The following NPAS1 variants were observed in gnomAD, a reference collection of about 807,000 sequenced individuals.
NPAS1 encodes the protein neuronal PAS domain-containing protein 1.
In NPAS1, 29 loss-of-function variants were observed where a neutral mutation model predicts 49.2. That is an observed-to-expected ratio of 0.59 (90% CI 0.44 to 0.80). The LOEUF (loss-of-function observed/expected upper bound fraction) is 0.80. NPAS1 is among the 30% of genes least tolerant of loss of function. NPAS1 has a pLI of 0.00. For missense variants in NPAS1, 825 were observed against 835.5 expected, an observed-to-expected ratio of 0.99 and a Z score of 0.15; for synonymous variants, 408 against 380.4, an observed-to-expected ratio of 1.07 and a Z score of -0.84.
rs756173532 is a variant in NPAS1, at chr19:47,040,988, G to A, written c.1080G>A (p.Lys360=). 1.2e-5 allele frequency: 18 copies of A among 1,501,180 alleles called. No homozygotes were observed. The South Asian group carries it at 2.4e-4, about 20-fold the overall frequency. The allele number at this position is 1,501,180 out of a possible 1,614,324, so 93.0% of individuals were successfully genotyped here. ...IRQSHVDLLD[K]GQVMTGYYRW... ...CTGGGCTGGGCCCAGTGCTGGACAA[G>A]GGTCAGGTGATGACTGGTTACTACC... Residue 360 remains lysine (K), a synonymous_variant, in exon 10 of 12, where the codon AAG becomes AAA. Coordinates refer to ENST00000602212, the MANE Select transcript of NPAS1 (RefSeq NM_002517.4).
intron 10 of NPAS1, among the ~76,000 whole-genome samples, chr19:47,042,607 G>A (rs547041399): frequency 6.6e-6 from 1 of 152,340 alleles, no homozygotes; most frequent in East Asian, 1.9e-4. Context: ...ATCCAGGTCT[G>A]GCCTTAGGAG....
chr19:47,034,008 A>G (rs1275088113), intron 5 of NPAS1, among the ~76,000 whole-genome samples: 17 of 50,012 alleles, frequency 3.4e-4, no homozygotes, highest in African/African-American at 1.3e-3. Context: ...AAAAAAAAAA[A>G]AAAAAAAAAA....
chr19:47,027,333 T>TCTGTCTGCCCCAGGTCCCCCC (rs2056877454), intron 3 of NPAS1, among the ~76,000 whole-genome samples: 4 of 118,772 alleles, frequency 3.4e-5, no homozygotes, highest in Admixed American at 9.0e-5. Context: ...TGGATCCCCC[T>TCTGTCTGCCCCAGGTCCCCCC]CTCTCTGCCC....
chr19:47,036,069 C>A lies in NPAS1; in HGVS notation c.628C>A (p.Pro210Thr). ...GACGCCGACGCCCGGCCCCCCAACC[C>A]CGCCCTCCGTCTCCTCTTCCTCCTC... ...LRTPTPGPPTPPSVSSSSSSS... is the reference protein window; with the variant it reads ...LRTPTPGPPTTPSVSSSSSSS... Residue 210 changes from proline (P) to threonine (T), a missense_variant, in exon 6 of 12, where the codon CCG (proline) becomes ACG (threonine). Coordinates refer to ENST00000602212, the MANE Select transcript of NPAS1 (RefSeq NM_002517.4). 2 of 1,596,878 alleles carry A rather than the reference C, an allele frequency of 1.3e-6. No homozygotes were observed. Among genetic ancestry groups the A allele is most frequent in the East Asian group, 2.3e-5 (1 of 43,992 alleles).
chr19:47,020,753 G>C (rs1335086816), intron 1 of NPAS1: 1 of 194,026 alleles, frequency 5.2e-6, no homozygotes, highest in Non-Finnish European at 1.0e-5. Flanking sequence ...GAGCCGGCCC[G>C]GCGCGGGCGT....
At chr19:47,022,851 T>C (rs934657235) in intron 3 of NPAS1, among the ~76,000 whole-genome samples, 16 of 152,388 alleles carry the variant, frequency 1.0e-4, no homozygotes, top group African/African-American at 3.8e-4. Flanking sequence ...GACTTTATTA[T>C]TGAGACATAG....
At position 47,036,050 on chromosome 19, in the gene NPAS1, G is replaced by C; in HGVS notation, c.609G>C (p.Pro203=). The C allele has an allele frequency of 6.2e-7, 1 of 1,603,706 alleles. No homozygotes were observed. Among genetic ancestry groups the C allele is most frequent in the Non-Finnish European group, 8.5e-7 (1 of 1,175,166 alleles). Residue 203 remains proline, a synonymous_variant, in exon 6 of 12, where the codon CCG becomes CCC. Transcript: ENST00000602212. ...EVLEQLGLRT[P]TPGPPTPPSV... is the part of the protein sequence containing the mutation. ...TGGAGCAACTGGGGCTGCGGACGCC[G>C]ACGCCCGGCCCCCCAACCCCGCCCT...
intron 3 of NPAS1, among the ~76,000 whole-genome samples, chr19:47,031,948 C>A (rs1017862033): frequency 2.0e-5 from 3 of 152,132 alleles, no homozygotes; most frequent in Non-Finnish European, 2.9e-5. Flanking sequence ...GCTGGGCTGT[C>A]CTGGTCACCG....
chr19:47,033,262 TGGA>T (rs2056921031), intron 5 of NPAS1, among the ~76,000 whole-genome samples: 1 of 148,052 alleles, frequency 6.8e-6, no homozygotes, highest in Non-Finnish European at 1.5e-5. Context: ...TTTTTTGAGT[TGGA>T]GTTTCCCTCT....
chr19:47,025,436 G>A (rs2056865583), intron 3 of NPAS1, among the ~76,000 whole-genome samples: 1 of 88,132 alleles, frequency 1.1e-5, no homozygotes, highest in Non-Finnish European at 3.0e-5. Context: ...GCGCCACCAC[G>A]CCCAGCTAAT....
chr19:47,037,345 A>C (rs2056967732), intron 6 of NPAS1, among the ~76,000 whole-genome samples: 1 of 88,240 alleles, frequency 1.1e-5, no homozygotes, highest in African/African-American at 3.5e-5. Flanking sequence ...CTCCAAAAAA[A>C]AAAAAAAAAA....
intron 4 of NPAS1, 125 bp from the exon 5 acceptor site, chr19:47,032,518 C>T (rs2056914085): frequency 2.7e-6 from 3 of 1,095,560 alleles, no homozygotes; most frequent in Admixed American, 1.9e-5. Context: ...CCACTGAAGC[C>T]CCCTCCCCAC....
Position 47,024,037 on chromosome 19 carries a change from G to A in NPAS1, c.358+2190G>A, listed in dbSNP as rs184807536. On this transcript the variant is annotated intron_variant, in intron 3 of 11. Coordinates refer to ENST00000602212, the MANE Select transcript of NPAS1 (RefSeq NM_002517.4). The stretch of plus-strand genomic sequence containing the variant: ...GGGGAATCACTTGAACCCAGGAGGC[G>A]GAGATTGCAGTGAGCCGAGATCACA... Among the ~76,000 whole-genome samples, 620 of 150,904 alleles carry A rather than the reference G, an allele frequency of 4.1e-3. 2 individuals are homozygous for A. The highest frequency in any genetic ancestry group is 6.5e-3 in the South Asian group (31 of 4,736).
At chr19:47,042,369 A>C (rs1169235375) in intron 10 of NPAS1, among the ~76,000 whole-genome samples, 2 of 152,196 alleles carry the variant, frequency 1.3e-5, no homozygotes, top group Non-Finnish European at 2.9e-5. Context: ...ACTGAGGGAC[A>C]AGATGGGCGC....
At chr19:47,036,221 A>G in intron 6 of NPAS1, 92 bp downstream of exon 6, 1 of 1,316,116 alleles carries the variant, frequency 7.6e-7, no homozygotes, top group Non-Finnish European at 1.1e-6. Context: ...TTATACAAAT[A>G]GCAGTGAAGT....
At chr19:47,030,779 G>A (rs548171812) in intron 3 of NPAS1, among the ~76,000 whole-genome samples, 87 of 150,632 alleles carry the variant, frequency 5.8e-4, no homozygotes, top group Middle Eastern at 6.9e-3. Context: ...TCAGCCTCCC[G>A]AGTAGCTGGA....
intron 3 of NPAS1, among the ~76,000 whole-genome samples, chr19:47,025,560 G>A (rs988794930): frequency 7.9e-5 from 12 of 151,856 alleles, no homozygotes; most frequent in African/African-American, 2.9e-4. Context: ...TTACAGGTGT[G>A]AGCCACCGCA....
intron 5 of NPAS1, among the ~76,000 whole-genome samples, chr19:47,034,995 A>G (rs1357921934): frequency 2.0e-5 from 3 of 150,546 alleles, no homozygotes. Context: ...CAGCCTGACC[A>G]ACATGGAGAA....
At position 47,039,165 on chromosome 19, in the gene NPAS1, G is replaced by A. The variant is rs746865426; in HGVS notation, c.804+14G>A. ...TCAGGGTACAAGGTGGGTGTGAGCA[G>A]TCAGGCTCCTGTATTCCAGGCAGCC... On this transcript the variant is annotated intron_variant, in intron 7 of 11. Transcript: ENST00000602212. 6.3e-7 allele frequency: 1 copy of A among 1,588,906 alleles called. No individual in the cohort carries two copies. Among genetic ancestry groups the A allele is most frequent in the Non-Finnish European group, 8.6e-7 (1 of 1,166,336 alleles).
Sources: gnomAD v4.1 joint callset for allele counts (sites outside exome capture counted in the v4.1 genomes callset) on GRCh38, gnomAD v4.1.1 for gene constraint, MANE v1.5 for transcripts, NCBI Gene and HGNC (gene_info 2026-07-23, HGNC 2026-07-21) for gene names.